ADAM18: variants seen among roughly 807,000 people sequenced by gnomAD.
ADAM18 encodes the protein ADAM metallopeptidase domain 18, also known as disintegrin and metalloproteinase domain-containing protein 18.
ADAM18 carries 117 observed loss-of-function variants against 94.4 expected under a neutral mutation model. That is an observed-to-expected ratio of 1.24 (90% CI 1.07 to 1.45). The LOEUF (loss-of-function observed/expected upper bound fraction) is 1.45. Among genes scored for constraint, ADAM18 ranks in the 40% most tolerant of loss-of-function variants. The pLI is 0.00. For missense variants in ADAM18, 936 were observed against 880.0 expected (o/e 1.06, Z -0.81); for synonymous variants, 327 against 291.6 (o/e 1.12, Z -1.24).
chr8:39,661,122 A>G (rs528109123), intron 12 of ADAM18, among the ~76,000 whole-genome samples: 1 of 151,124 alleles, frequency 6.6e-6, no homozygotes, highest in Admixed American at 6.6e-5. Context: ...TCAAATAAAA[A>G]AAAAACCAAA....
intron 18 of ADAM18, among the ~76,000 whole-genome samples, chr8:39,721,456 A>C (rs1822744995): frequency 6.6e-6 from 1 of 151,576 alleles, no homozygotes; most frequent in Non-Finnish European, 1.5e-5. Context: ...AAAAACTAAT[A>C]ATCAACAAAG....
At chr8:39,684,239 A>G (rs1277368058) in intron 16 of ADAM18, among the ~76,000 whole-genome samples, 2 of 152,154 alleles carry the variant, frequency 1.3e-5, no homozygotes, top group African/African-American at 4.8e-5. Context: ...CTTCCATGTC[A>G]TAAGCTATTT....
At chr8:39,692,848 A>AGTTTTTTTGCTT in intron 17 of ADAM18, among the ~76,000 whole-genome samples, 168 bp downstream of exon 17, 2 of 151,706 alleles carry the variant, frequency 1.3e-5, no homozygotes, top group Non-Finnish European at 3.0e-5. Context: ...AGTGAATTGT[A>AGTTTTTTTGCTT]CCAGATACGT....
chr8:39,628,808 C>T (rs1010269041), intron 6 of ADAM18, among the ~76,000 whole-genome samples: 2 of 151,954 alleles, frequency 1.3e-5, no homozygotes, highest in African/African-American at 4.8e-5. Flanking sequence ...CAGGGAAGAA[C>T]AGAATGTAAA....
chr8:39,728,020 A>T (rs1822967111), intron 19 of ADAM18, among the ~76,000 whole-genome samples: 1 of 152,162 alleles, frequency 6.6e-6, no homozygotes, highest in South Asian at 2.1e-4. Context: ...ATCATGGCAG[A>T]AGGTGAAGGG....
chr8:39,615,612 A>G (rs1256434998), intron 6 of ADAM18, among the ~76,000 whole-genome samples: 2 of 152,196 alleles, frequency 1.3e-5, no homozygotes, highest in African/African-American at 2.4e-5. Context: ...AATATACTCA[A>G]CAGGCAAAAG....
intron 7 of ADAM18, among the ~76,000 whole-genome samples, chr8:39,631,416 C>T (rs558959824): frequency 2.0e-4 from 31 of 151,938 alleles, no homozygotes; most frequent in East Asian, 3.9e-4. Flanking sequence ...GACATCCATT[C>T]GCTCCATCTC....
At chr8:39,667,945 A>C in intron 13 of ADAM18, 53 bp from the exon 14 acceptor site, 1 of 1,507,870 alleles carries the variant, frequency 6.6e-7, no homozygotes, top group South Asian at 1.1e-5. Context: ...TTCACTAAGC[A>C]ATTGAGAAAA....
At chr8:39,623,797 A>G (rs979099784) in intron 6 of ADAM18, among the ~76,000 whole-genome samples, 2 of 151,820 alleles carry the variant, frequency 1.3e-5, no homozygotes, top group Non-Finnish European at 2.9e-5. Context: ...GCGGTTTCAC[A>G]GTGTTAGCCA....
At chr8:39,599,321 A>G (rs1309422614) in intron 2 of ADAM18, among the ~76,000 whole-genome samples, 3 of 152,200 alleles carry the variant, frequency 2.0e-5, no homozygotes, top group Non-Finnish European at 4.4e-5. Flanking sequence ...TATTTTATAC[A>G]CTGTTGAATA....
intron 16 of ADAM18, among the ~76,000 whole-genome samples, chr8:39,686,030 T>A (rs1008264924): frequency 2.0e-5 from 3 of 152,192 alleles, no homozygotes; most frequent in African/African-American, 7.2e-5. Flanking sequence ...ACCAGCTAGG[T>A]AACCTGTGAG....
intron 2 of ADAM18, among the ~76,000 whole-genome samples, chr8:39,590,439 G>A (rs1818538621): frequency 6.6e-6 from 1 of 152,180 alleles, no homozygotes; most frequent in South Asian, 2.1e-4. Flanking sequence ...CTGTTGTCGG[G>A]TGAGGGGAGA....
At chr8:39,619,420 C>CA (rs1162971183) in intron 6 of ADAM18, among the ~76,000 whole-genome samples, 3 of 152,200 alleles carry the variant, frequency 2.0e-5, no homozygotes, top group Non-Finnish European at 4.4e-5. Flanking sequence ...TTCTGTGACA[C>CA]AAAACAAGTC....
intron 6 of ADAM18, among the ~76,000 whole-genome samples, chr8:39,622,725 A>G (rs1169025437): frequency 6.6e-6 from 1 of 152,194 alleles, no homozygotes; most frequent in East Asian, 1.9e-4. Context: ...GTCATATTTT[A>G]CAGATACGTA....
chr8:39,726,699 ATC>A (rs949564579), intron 19 of ADAM18, among the ~76,000 whole-genome samples: 26 of 152,172 alleles, frequency 1.7e-4, no homozygotes, highest in African/African-American at 6.0e-4. Context: ...TTAGGCTTTA[ATC>A]TCTCTCCTGA....
intron 19 of ADAM18, among the ~76,000 whole-genome samples, chr8:39,725,418 C>T (rs1459997117): frequency 1.3e-5 from 2 of 152,104 alleles, no homozygotes; most frequent in African/African-American, 4.8e-5. Context: ...GCTATAGGTA[C>T]TGTGGTGTAT....
intron 6 of ADAM18, among the ~76,000 whole-genome samples, chr8:39,623,630 T>TCTGTCGCC (rs1289477847): frequency 1.3e-5 from 2 of 152,214 alleles, no homozygotes; most frequent in African/African-American, 2.4e-5. Flanking sequence ...GGAGTCTCGC[T>TCTGTCGCC]CTGTCGCCCA....
chr8:39,672,445 C>A (rs1821181900), intron 14 of ADAM18, among the ~76,000 whole-genome samples: 1 of 152,146 alleles, frequency 6.6e-6, no homozygotes, highest in Admixed American at 6.6e-5. Context: ...GACATGGGTA[C>A]CTTCCCTACC....
intron 10 of ADAM18, among the ~76,000 whole-genome samples, chr8:39,640,006 C>A (rs1022761377): frequency 3.9e-5 from 6 of 151,936 alleles, no homozygotes; most frequent in Admixed American, 6.6e-5. Flanking sequence ...ATATGATAGA[C>A]AAAATTTTAA....
Sources: allele counts gnomAD v4.1 joint callset (sites outside exome capture counted in the v4.1 genomes callset), GRCh38; gene constraint gnomAD v4.1.1; transcripts MANE v1.5; gene names NCBI Gene and HGNC (gene_info 2026-07-23, HGNC 2026-07-21).